CEP128: variants seen among roughly 807,000 people sequenced by gnomAD.
CEP128 encodes centrosomal protein 128kDa.
In CEP128, 132 loss-of-function variants were observed where a neutral mutation model predicts 156.7. The observed-to-expected ratio is 0.84, with a 90% CI of 0.73 to 0.97. CEP128 has a LOEUF of 0.97. Ranked by LOEUF, CEP128 falls within the 50% of genes least tolerant of loss-of-function variation. The probability of loss-of-function intolerance (pLI) is 0.00; values close to 1 mark genes in which losing one functional copy is unlikely to be tolerated. For missense variants in CEP128, 1,252 were observed against 1,281.9 expected (o/e 0.98, Z 0.36); for synonymous variants, 469 against 448.9 (o/e 1.04, Z -0.57).
At chr14:80,802,682 G>GA (rs903564823) in intron 13 of CEP128, among the ~76,000 whole-genome samples, 2 of 149,370 alleles carry the variant, frequency 1.3e-5, no homozygotes, top group Admixed American at 6.6e-5. Flanking sequence ...AAGAAATAAA[G>GA]AAAAAAAAAG....
intron 19 of CEP128, among the ~76,000 whole-genome samples, chr14:80,722,533 T>A (rs1278920914): frequency 2.6e-5 from 4 of 151,362 alleles, no homozygotes; most frequent in Non-Finnish European, 5.9e-5. Flanking sequence ...TAAGTATATA[T>A]AATATATATA....
At chr14:80,560,147 C>T (rs4899774) in intron 20 of CEP128, among the ~76,000 whole-genome samples, 5,115 of 152,266 alleles carry the variant, frequency 0.034, 160 homozygotes, top group Admixed American at 0.081. Context: ...TGGAGGAGGT[C>T]AGGTGCAATG....
intron 2 of CEP128, among the ~76,000 whole-genome samples, chr14:80,953,946 C>CA (rs2139664000): frequency 6.6e-6 from 1 of 152,090 alleles, no homozygotes; most frequent in East Asian, 1.9e-4. Context: ...AGATTTGTTC[C>CA]ATAACAATAC....
chr14:80,600,966 G>C (rs1892555767), intron 19 of CEP128, among the ~76,000 whole-genome samples: 1 of 148,240 alleles, frequency 6.7e-6, no homozygotes, highest in African/African-American at 2.5e-5. Flanking sequence ...ACATGAAGAA[G>C]AAAACTGAAG....
chr14:80,872,427 A>G (rs1888073365), intron 8 of CEP128, among the ~76,000 whole-genome samples: 1 of 152,214 alleles, frequency 6.6e-6, no homozygotes, highest in South Asian at 2.1e-4. Context: ...GACAGCAACC[A>G]CAACTTTTTG....
At chr14:80,879,602 GAC>G (rs1888435182) in intron 8 of CEP128, among the ~76,000 whole-genome samples, 1 of 151,784 alleles carries the variant, frequency 6.6e-6, no homozygotes, top group Non-Finnish European at 1.5e-5. Context: ...AAACAGAAGA[GAC>G]AGTTTGTGAA....
intron 13 of CEP128, among the ~76,000 whole-genome samples, chr14:80,828,104 C>T (rs1049954714): frequency 6.6e-6 from 1 of 151,172 alleles, no homozygotes; most frequent in Admixed American, 6.6e-5. Flanking sequence ...TTTATTTTGG[C>T]CTACTTTGCT....
rs61749305 is a variant in CEP128 at position 80,761,527 on chromosome 14, C to T, written c.2463G>A (p.Glu821=). The T allele has an allele frequency of 4.5e-4, 718 of 1,612,746 alleles. 1 individual carries two copies. The highest frequency in any genetic ancestry group is 5.8e-4 in the Non-Finnish European group (684 of 1,179,146). ...LQLKDQLLCL[E]TEQESILGVI... ...CACCAAGAATGGATTCCTGTTCAGT[C>T]TCCAAGCAAAGAAGTTGATCCTTGA... is the stretch of plus-strand genomic sequence containing the variant. The change falls in exon 17 of 25, where the codon GAG becomes GAA. Residue 821 remains glutamate, a synonymous_variant. Transcript: ENST00000555265.
chr14:80,943,458 C>T (rs1015065798), upstream of CEP128, among the ~76,000 whole-genome samples: 1 of 152,172 alleles, frequency 6.6e-6, no homozygotes, highest in Non-Finnish European at 1.5e-5. Flanking sequence ...TTGTCCACAG[C>T]TTTTCCTCCC....
At chr14:80,938,239 GT>G (rs1373704869) in intron 2 of CEP128, among the ~76,000 whole-genome samples, 2 of 130,320 alleles carry the variant, frequency 1.5e-5, no homozygotes, top group African/African-American at 5.8e-5. Context: ...AATACACAGT[GT>G]TAGTATTTTT....
chr14:80,602,426 G>T (rs1363283618), intron 19 of CEP128, among the ~76,000 whole-genome samples: 4 of 152,032 alleles, frequency 2.6e-5, no homozygotes, highest in Admixed American at 2.0e-4. Context: ...CTCCCCAAAG[G>T]CATACATTCT....
intron 2 of CEP128, among the ~76,000 whole-genome samples, chr14:80,949,008 T>A (rs2139655309): frequency 6.6e-6 from 1 of 152,276 alleles, no homozygotes; most frequent in East Asian, 1.9e-4. Flanking sequence ...TAAATCTTGA[T>A]ATAAAATGTT....
chr14:80,697,768 T>C (rs976476067), intron 19 of CEP128, among the ~76,000 whole-genome samples: 7 of 151,986 alleles, frequency 4.6e-5, no homozygotes, highest in Non-Finnish European at 7.4e-5. Context: ...AACCAGAAGT[T>C]TAGGAAAGAT....
chr14:80,540,348 CACTT>C (rs1889698319), intron 21 of CEP128, among the ~76,000 whole-genome samples: 1 of 152,166 alleles, frequency 6.6e-6, no homozygotes, highest in Non-Finnish European at 1.5e-5. Context: ...AGCCAGCTGA[CACTT>C]ACGGAAAATA....
chr14:80,654,860 A>G (rs1595159350), intron 19 of CEP128, among the ~76,000 whole-genome samples: 1 of 152,076 alleles, frequency 6.6e-6, no homozygotes, highest in East Asian at 1.9e-4. Flanking sequence ...CACGTCCTTT[A>G]GAGGCTACAA....
intron 20 of CEP128, among the ~76,000 whole-genome samples, chr14:80,571,022 C>T (rs931558318): frequency 1.1e-4 from 16 of 152,138 alleles, no homozygotes; most frequent in African/African-American, 3.9e-4. Context: ...TAAGTTGCAA[C>T]TCCTTACTTA....
At chr14:80,550,631 A>AT (rs1890172390) in intron 21 of CEP128, among the ~76,000 whole-genome samples, 1 of 151,478 alleles carries the variant, frequency 6.6e-6, no homozygotes, top group Admixed American at 6.6e-5. Context: ...TGTTTTTATC[A>AT]TTTTGCCATA....
At chr14:80,896,807 T>C (rs1461582931) in intron 7 of CEP128, among the ~76,000 whole-genome samples, 1 of 152,170 alleles carries the variant, frequency 6.6e-6, no homozygotes, top group African/African-American at 2.4e-5. Context: ...ACCATCTATT[T>C]CACTCTTTTT....
At chr14:80,570,886 G>A (rs1278696995) in intron 20 of CEP128, among the ~76,000 whole-genome samples, 1 of 151,980 alleles carries the variant, frequency 6.6e-6, no homozygotes, top group Non-Finnish European at 1.5e-5. Context: ...AGGTAACAGT[G>A]TAATAAAACA....
Sources: allele counts gnomAD v4.1 joint callset (sites outside exome capture counted in the v4.1 genomes callset), GRCh38; gene constraint gnomAD v4.1.1; transcripts MANE v1.5; gene names NCBI Gene and HGNC (gene_info 2026-07-23, HGNC 2026-07-21).